Variants in ZNF521 observed in about 807,000 individuals in gnomAD.
ZNF521 encodes LYST-interacting protein 3.
In ZNF521, 14 loss-of-function variants were observed where a neutral mutation model predicts 105.5. The ratio of observed to expected loss-of-function variants is 0.13; its 90% confidence interval spans 0.09 to 0.21. The LOEUF (loss-of-function observed/expected upper bound fraction) is 0.21. ZNF521 is among the 10% of genes least tolerant of loss of function. The pLI, the probability that ZNF521 is intolerant of heterozygous loss-of-function variation, is 1.00. For synonymous variants in ZNF521, 635 were observed against 606.0 expected (o/e 1.05, Z -0.70); for missense variants, 1,233 against 1,629.7 (o/e 0.76, Z 4.19).
chr18:25,225,280 C>T lies in ZNF521; in HGVS notation c.2638G>A (p.Asp880Asn). 6.2e-7 allele frequency: 1 copy of T among 1,614,166 alleles called. No individual in the cohort carries two copies. The highest frequency in any genetic ancestry group is 8.5e-7 in the Non-Finnish European group (1 of 1,180,032). The change falls in exon 4 of 8, where the codon GAC becomes AAC. Residue 880 changes from aspartate (D) to asparagine (N), a missense_variant. Physicochemically the swap from Asp to Asn is conservative, Grantham distance 23. Around this residue, in one of 6 missense-constraint regions of ZNF521, gnomAD observed 614 missense variants for 751.5 expected, o/e 0.82. Coordinates refer to ENST00000361524, the MANE Select transcript of ZNF521 (RefSeq NM_015461.3). The surrounding 1 kb of genome is among the most constrained non-coding windows in gnomAD (Gnocchi z 5.6). The stretch of plus-strand genomic sequence containing the variant: ...CAGCCGTACATAGGCTCAGAGGTGT[C>T]AACGTCTTCTTCGCTCCCATCGTGA... ...NSHDGSEEDV[D>N]TSEPMYGCDI...
intron 5 of ZNF521, among the ~76,000 whole-genome samples, chr18:25,187,114 C>G (rs371354082): frequency 6.6e-6 from 1 of 151,928 alleles, no homozygotes; most frequent in African/African-American, 2.4e-5. Flanking sequence ...TTAGATAAAC[C>G]GCTAGAAAAA....
chr18:25,128,847 A>C (rs901048755), intron 5 of ZNF521, among the ~76,000 whole-genome samples: 1 of 152,092 alleles, frequency 6.6e-6, no homozygotes, highest in African/African-American at 2.4e-5. Flanking sequence ...TGGAAAGAAC[A>C]ACTCAATATT....
At chr18:25,110,416 G>A (rs1011083137) in intron 5 of ZNF521, among the ~76,000 whole-genome samples, 6 of 151,674 alleles carry the variant, frequency 4.0e-5, no homozygotes, top group African/African-American at 1.5e-4. Context: ...TGTTGTTGTT[G>A]ACTGAATGAA....
intron 5 of ZNF521, among the ~76,000 whole-genome samples, chr18:25,149,296 C>T (rs12458821): frequency 0.66 from 100,295 of 152,092 alleles, 33,469 homozygotes; most frequent in African/African-American, 0.75. Flanking sequence ...TTTCAGTCTG[C>T]GTGTGTTATG....
At chr18:25,253,812 A>G (rs1908280955) in intron 3 of ZNF521, among the ~76,000 whole-genome samples, 1 of 152,156 alleles carries the variant, frequency 6.6e-6, no homozygotes, top group African/African-American at 2.4e-5. Flanking sequence ...AGGGCACTGT[A>G]CAACACAGTA....
At chr18:25,272,630 G>A (rs1909736621) in intron 3 of ZNF521, among the ~76,000 whole-genome samples, 1 of 152,032 alleles carries the variant, frequency 6.6e-6, no homozygotes, top group South Asian at 2.1e-4. Context: ...GATGAAGCTG[G>A]AAACCATCAT....
intron 4 of ZNF521, chr18:25,200,986 T>A (rs377079809): frequency 5.9e-5 from 9 of 151,994 alleles, no homozygotes; most frequent in Non-Finnish European, 1.2e-4. Context: ...GCTTTACTAG[T>A]GTTTGATTCA....
At position 25,227,807 on chromosome 18, in the gene ZNF521, G is replaced by A. The variant is rs1161042617; in HGVS notation, c.221-110C>T. The A allele has an allele frequency of 1.6e-5, 14 of 882,084 alleles. No homozygotes were observed. The highest frequency in any genetic ancestry group is 7.4e-5 in the South Asian group (4 of 54,156). 54.6% of individuals were successfully genotyped at this position (882,084 alleles called of 1,614,324 possible). A position where few individuals can be genotyped will look rare whatever the true frequency, so the allele number is the denominator to read the frequency against. ...AGTTGGGCCCTCTTGAATCTTTCAA[G>A]AAAAAACAAAATGAAAAGAGAGAAT... On this transcript the variant is annotated intron_variant, in intron 3 of 7. Transcript: ENST00000361524. The surrounding 1 kb of genome is among the most constrained non-coding windows in gnomAD (Gnocchi z 5.7).
intron 7 of ZNF521, among the ~76,000 whole-genome samples, chr18:25,087,182 A>G (rs1216948549): frequency 6.6e-6 from 1 of 152,202 alleles, no homozygotes; most frequent in African/African-American, 2.4e-5. Flanking sequence ...GTGGTCCTCA[A>G]TAATTTCTAA....
At chr18:25,331,308 T>G (rs1401992211) in intron 2 of ZNF521, among the ~76,000 whole-genome samples, 2 of 139,154 alleles carry the variant, frequency 1.4e-5, no homozygotes, top group Admixed American at 7.2e-5. Flanking sequence ...TAAAGCAACT[T>G]TAAAACTGCT....
At chr18:25,107,924 C>A (rs1600035762) in intron 5 of ZNF521, among the ~76,000 whole-genome samples, 1 of 152,338 alleles carries the variant, frequency 6.6e-6, no homozygotes, top group South Asian at 2.1e-4. Flanking sequence ...TGGAATAGAT[C>A]CGCAAGGGTG....
Position 25,209,653 on chromosome 18 carries a change from C to G in ZNF521, c.3574-14409G>C, listed in dbSNP as rs1406011522. Among the ~76,000 whole-genome samples, 4 of 152,260 alleles carry G rather than the reference C, an allele frequency of 2.6e-5. No individual in the cohort carries two copies. In the East Asian group the frequency reaches 7.7e-4, roughly 29 times the overall value. On this transcript the variant is annotated intron_variant, in intron 4 of 7. Coordinates refer to ENST00000361524, the MANE Select transcript of ZNF521 (RefSeq NM_015461.3). ...CTGATTTTGGTATTCACTTACTAAA[C>G]CTTTCATGTCCAATTTTTACTTGAC...
chr18:25,293,199 A>C, intron 3 of ZNF521, among the ~76,000 whole-genome samples: 1 of 152,334 alleles, frequency 6.6e-6, no homozygotes, highest in Middle Eastern at 3.4e-3. Flanking sequence ...GAAAAATCAT[A>C]CATATGATTC....
intron 2 of ZNF521, among the ~76,000 whole-genome samples, chr18:25,336,400 G>T (rs1913884149): frequency 6.6e-6 from 1 of 152,032 alleles, no homozygotes; most frequent in Admixed American, 6.5e-5. Flanking sequence ...TGAATTATTT[G>T]TCTCCAGTTC....
At chr18:25,169,686 T>C (rs142064614) in intron 5 of ZNF521, among the ~76,000 whole-genome samples, 67 of 152,288 alleles carry the variant, frequency 4.4e-4, no homozygotes, top group African/African-American at 1.6e-3. Flanking sequence ...ATTTGCATGA[T>C]TCTTGAAGAG....
intron 3 of ZNF521, among the ~76,000 whole-genome samples, chr18:25,238,028 T>C (rs1907042237): frequency 6.6e-6 from 1 of 152,156 alleles, no homozygotes; most frequent in South Asian, 2.1e-4. Flanking sequence ...GAGTAACATG[T>C]TATAATCTTG....
Position 25,227,035 on chromosome 18 carries a change from A to G in ZNF521, c.883T>C (p.Ser295Pro), listed in dbSNP as rs368178315. ...ACCTGCTCCATGTGGTTCATGAGGGAGGTCTCCTCTACGAAGAGCTCGTGG... is the reference window on the plus strand; with the variant it reads ...ACCTGCTCCATGTGGTTCATGAGGGGGGTCTCCTCTACGAAGAGCTCGTGG... ...YCHELFVEETSLMNHMEQVHS... is the reference protein window; with the variant it reads ...YCHELFVEETPLMNHMEQVHS... The change falls in exon 4 of 8, where the codon TCC (serine) becomes CCC (proline). Residue 295 changes from serine to proline, a missense_variant. By Grantham distance (74) the Ser-to-Pro change is moderately conservative (BLOSUM62 -1). Coordinates refer to ENST00000361524, the MANE Select transcript of ZNF521 (RefSeq NM_015461.3). The surrounding 1 kb of genome is among the most constrained non-coding windows in gnomAD (Gnocchi z 5.7). 6.2e-7 allele frequency: 1 copy of G among 1,613,996 alleles called. No individual in the cohort carries two copies. The highest frequency in any genetic ancestry group is 1.3e-5 in the African/African-American group (1 of 74,890).
chr18:25,217,594 C>T (rs1297181811), intron 4 of ZNF521, among the ~76,000 whole-genome samples: 2 of 152,064 alleles, frequency 1.3e-5, no homozygotes, highest in Non-Finnish European at 2.9e-5. Context: ...GGTCATTTGT[C>T]CTGCAAAAAT....
At chr18:25,234,399 GACCTCAT>G (rs1309846268) in intron 3 of ZNF521, among the ~76,000 whole-genome samples, 4 of 152,114 alleles carry the variant, frequency 2.6e-5, no homozygotes, top group Non-Finnish European at 4.4e-5. Context: ...GTTTATATAT[GACCTCAT>G]ACCACAAAGA....
Sources: gnomAD v4.1 joint callset for allele counts (sites outside exome capture counted in the v4.1 genomes callset) on GRCh38, gnomAD v4.1.1 for gene constraint, gnomAD v4.1.1 regional missense constraint, Gnocchi (gnomAD v3.1) non-coding constraint, MANE v1.5 for transcripts, NCBI Gene and HGNC (gene_info 2026-07-23, HGNC 2026-07-21) for gene names.